The following ATP10A variants were observed in gnomAD, a reference collection of about 807,000 sequenced individuals.
ATP10A encodes phospholipid-transporting ATPase VA.
Under a neutral mutation model 147.8 loss-of-function variants are expected in ATP10A, and 111 were observed. The observed-to-expected ratio is 0.75, with a 90% CI of 0.64 to 0.88. The LOEUF (loss-of-function observed/expected upper bound fraction) is 0.88, where lower values mean the gene tolerates loss of function less well. Ranked by LOEUF, ATP10A falls within the 40% of genes least tolerant of loss-of-function variation. ATP10A has a pLI of 0.00. For synonymous variants in ATP10A, 875 were observed against 841.6 expected (o/e 1.04, Z -0.69); for missense variants, 1,927 against 1,959.0 (o/e 0.98, Z 0.31).
At chr15:25,806,179 C>T (rs1891169641) in intron 1 of ATP10A, among the ~76,000 whole-genome samples, 1 of 152,174 alleles carries the variant, frequency 6.6e-6, no homozygotes, top group Admixed American at 6.5e-5. Flanking sequence ...CTCCACCTCT[C>T]TGCCACCCTG....
Position 25,806,670 on chromosome 15 carries a change from T to C in ATP10A, c.450-25447A>G, listed in dbSNP as rs538560778. Among the ~76,000 whole-genome samples the C allele has an allele frequency of 9.2e-5, 14 of 152,338 alleles. No homozygotes were observed. The South Asian group carries it at 2.7e-3, about 29-fold the overall frequency. ...CTTACTTTACTGTAATAACACAGTATATAATGCATCTAACGTACAAAATAT... is the reference window on the plus strand; with the variant it reads ...CTTACTTTACTGTAATAACACAGTACATAATGCATCTAACGTACAAAATAT... On this transcript the variant is annotated intron_variant, in intron 1 of 20. Coordinates refer to ENST00000555815, the MANE Select transcript of ATP10A (RefSeq NM_024490.4).
chr15:25,673,027 G>A (rs1899072035), downstream of ATP10A, among the ~76,000 whole-genome samples: 1 of 152,124 alleles, frequency 6.6e-6, no homozygotes, highest in African/African-American at 2.4e-5. Context: ...ACGAGGAGAA[G>A]GAGGGTCACA....
At chr15:25,705,389 T>A (rs1486073228) in intron 12 of ATP10A, among the ~76,000 whole-genome samples, 1 of 141,656 alleles carries the variant, frequency 7.1e-6, no homozygotes, top group African/African-American at 2.7e-5. Flanking sequence ...TGTGCTGTGA[T>A]CGCACCATTG....
intron 1 of ATP10A, among the ~76,000 whole-genome samples, chr15:25,841,178 C>T (rs1254458469): frequency 6.6e-6 from 1 of 151,936 alleles, no homozygotes; most frequent in East Asian, 1.9e-4. Flanking sequence ...GTCTTAGATC[C>T]CAAAAATGTT....
intron 7 of ATP10A, 120 bp downstream of exon 7, chr15:25,721,537 C>T (rs1902225575): frequency 1.6e-6 from 2 of 1,288,920 alleles, no homozygotes; most frequent in East Asian, 2.4e-5. Context: ...TCAGTAATCC[C>T]TGAAGCGTGT....
intron 1 of ATP10A, among the ~76,000 whole-genome samples, chr15:25,858,418 A>G (rs1164546196): frequency 6.6e-6 from 1 of 152,194 alleles, no homozygotes; most frequent in Admixed American, 6.5e-5. Context: ...CTCACCTGGA[A>G]GGGAAGGGAA....
chr15:25,752,298 CA>C (rs1321332109), intron 2 of ATP10A, among the ~76,000 whole-genome samples: 3 of 152,104 alleles, frequency 2.0e-5, no homozygotes, highest in African/African-American at 7.2e-5. Context: ...TATAGATACA[CA>C]ATGAAATACT....
At chr15:25,801,159 C>A (rs1890917990) in intron 1 of ATP10A, among the ~76,000 whole-genome samples, 1 of 152,146 alleles carries the variant, frequency 6.6e-6, no homozygotes, top group African/African-American at 2.4e-5. Context: ...CACAGGCTGT[C>A]CTGTGCATGC....
chr15:25,691,722 C>G lies in ATP10A; in HGVS notation c.3158G>C (p.Gly1053Ala). ...AGCCTGATTGGTCTTTACCTGCATA[C>G]CCTCCTGGCCGGAGATTCCCACACC... is the stretch of plus-strand genomic sequence containing the variant. ...DVGVGISGQE[G>A]MQAVMASDFA... Residue 1053 changes from glycine to alanine, a missense_variant, in exon 15 of 21, where the codon GGT becomes GCT. Gly to Ala is a moderately conservative substitution (Grantham distance 60). Transcript: ENST00000555815. 2 of 1,614,084 alleles carry G rather than the reference C, an allele frequency of 1.2e-6. No individual in the cohort carries two copies. Among genetic ancestry groups the G allele is most frequent in the East Asian group, 4.5e-5 (2 of 44,884 alleles).
intron 1 of ATP10A, 53 bp downstream of exon 1, chr15:25,862,595 G>A (rs977170694): frequency 2.7e-6 from 4 of 1,462,750 alleles, no homozygotes; most frequent in Middle Eastern, 2.4e-4. Flanking sequence ...CAAGTTCCCG[G>A]GGCGCCCTGC....
At chr15:25,855,541 AACACACACACACAC>A (rs59597825) in intron 1 of ATP10A, among the ~76,000 whole-genome samples, 3 of 146,108 alleles carry the variant, frequency 2.1e-5, no homozygotes, top group East Asian at 4.1e-4. Context: ...TATTGGTTAA[AACACACACACACAC>A]ACACACACAC....
chr15:25,824,767 A>G (rs1892047812), intron 1 of ATP10A, among the ~76,000 whole-genome samples: 1 of 152,202 alleles, frequency 6.6e-6, no homozygotes, highest in Non-Finnish European at 1.5e-5. Flanking sequence ...ACATTTATTC[A>G]AGAAAAATGG....
intron 2 of ATP10A, among the ~76,000 whole-genome samples, chr15:25,751,877 G>T (rs1402567488): frequency 6.6e-6 from 1 of 151,998 alleles, no homozygotes; most frequent in Non-Finnish European, 1.5e-5. Context: ...TTGCTTAGAA[G>T]AAGACATACA....
intron 1 of ATP10A, among the ~76,000 whole-genome samples, chr15:25,853,953 GAA>G (rs60346962): frequency 2.4e-4 from 30 of 123,536 alleles, no homozygotes; most frequent in South Asian, 2.7e-4. Context: ...GAAAAAAAAA[GAA>G]AAAAAAAAAA....
chr15:25,760,076 C>T (rs1888676420), intron 2 of ATP10A, among the ~76,000 whole-genome samples: 1 of 151,912 alleles, frequency 6.6e-6, no homozygotes, highest in African/African-American at 2.4e-5. Flanking sequence ...AAGCAATTCT[C>T]CTGCCTCAGC....
downstream of ATP10A, among the ~76,000 whole-genome samples, chr15:25,672,715 G>A (rs80289354): frequency 1.2e-3 from 180 of 152,260 alleles, 1 homozygote; most frequent in African/African-American, 4.1e-3. Flanking sequence ...TCTCACTGTG[G>A]TTTTGTCTTT....
Position 25,702,087 on chromosome 15 carries a change from A to G in ATP10A, c.2589T>C (p.Ile863=), listed in dbSNP as rs547811613. 114 of 1,611,992 alleles carry G rather than the reference A, an allele frequency of 7.1e-5. No individual in the cohort carries two copies. The Middle Eastern group carries it at 1.5e-3, about 21-fold the overall frequency. ...TNLHLLGATG[I]EDRLQDGVPE... ...GGACTCCGTCCTGCAGGCGGTCTTCAATCCCAGTGGCACCTGGTCAAATGC... is the reference window on the plus strand; with the variant it reads ...GGACTCCGTCCTGCAGGCGGTCTTCGATCCCAGTGGCACCTGGTCAAATGC... The change falls in exon 13 of 21, where the codon ATT becomes ATC. Residue 863 remains isoleucine, a synonymous_variant. Coordinates refer to ENST00000555815, the MANE Select transcript of ATP10A (RefSeq NM_024490.4).
chr15:25,688,585 GA>G (rs11423467), intron 15 of ATP10A, among the ~76,000 whole-genome samples: 4 of 151,074 alleles, frequency 2.6e-5, no homozygotes, highest in East Asian at 2.0e-4. Context: ...AATGTCTTTG[GA>G]AAAAAAAATC....
chr15:25,730,329 G>C (rs200825294), intron 3 of ATP10A, among the ~76,000 whole-genome samples: 838 of 4,046 alleles, frequency 0.21, 17 homozygotes, highest in African/African-American at 0.36. Context: ...AAAAAAAAAA[G>C]AAGAAAGAAA....
Sources: gnomAD v4.1 joint callset for allele counts (sites outside exome capture counted in the v4.1 genomes callset) on GRCh38, gnomAD v4.1.1 for gene constraint, MANE v1.5 for transcripts, NCBI Gene and HGNC (gene_info 2026-07-23, HGNC 2026-07-21) for gene names.